Variants in CDK15 observed in about 807,000 individuals in gnomAD.
The protein encoded by CDK15 is cyclin dependent kinase 15, also known as cyclin-dependent kinase 15.
CDK15 carries 62 observed loss-of-function variants against 60.3 expected under a neutral mutation model. The observed-to-expected ratio is 1.03, with a 90% CI of 0.84 to 1.27. CDK15 has a LOEUF of 1.27. Among genes scored for constraint, CDK15 ranks in the 50% most tolerant of loss-of-function variants. The pLI, the probability that CDK15 is intolerant of heterozygous loss-of-function variation, is 0.00. For missense variants in CDK15, 541 were observed against 527.8 expected, an observed-to-expected ratio of 1.03 and a Z score of -0.25; for synonymous variants, 194 against 195.7, an observed-to-expected ratio of 0.99 and a Z score of 0.07.
intron 12 of CDK15, chr2:201,888,959 T>A: frequency 8.1e-6 from 8 of 986,590 alleles, no homozygotes; most frequent in Non-Finnish European, 9.6e-6. Context: ...GAAAGTAGAA[T>A]ACAAAATTGC....
intron 10 of CDK15, among the ~76,000 whole-genome samples, chr2:201,868,110 A>G (rs1698702917): frequency 1.3e-5 from 2 of 152,208 alleles, no homozygotes; most frequent in South Asian, 4.1e-4. Context: ...GCTTGGAGCA[A>G]GTTAGAATTT....
chr2:201,877,107 T>C (rs925542393), intron 11 of CDK15, among the ~76,000 whole-genome samples: 3 of 152,208 alleles, frequency 2.0e-5, no homozygotes, highest in African/African-American at 7.2e-5. Flanking sequence ...AAATAACCTG[T>C]TCTTATAAGA....
chr2:201,824,241 AT>A (rs1319670085), intron 6 of CDK15, among the ~76,000 whole-genome samples: 1 of 152,206 alleles, frequency 6.6e-6, no homozygotes, highest in African/African-American at 2.4e-5. Flanking sequence ...TTTAGAAACC[AT>A]TTATATTTCA....
In CDK15 at chr2:201,856,025, A is replaced by C. The variant is rs1698132718; in HGVS notation, c.1009+1088A>C. 3.9e-5 allele frequency among the ~76,000 whole-genome samples: 6 copies of C among 151,914 alleles called. No homozygotes were observed. In the South Asian group the frequency reaches 1.2e-3, roughly 32 times the overall value. On this transcript the variant is annotated intron_variant, in intron 10 of 13. Coordinates refer to ENST00000652192, the MANE Select transcript of CDK15 (RefSeq NM_001366386.2). Reference sequence around the variant, plus strand: ...GTATTTTTAGTAGAGATGAGGTTTCACCATGTTGGCCAGGCTGGTCTCGAA... The same window carrying C: ...GTATTTTTAGTAGAGATGAGGTTTCCCCATGTTGGCCAGGCTGGTCTCGAA...
At chr2:201,886,761 G>C in intron 12 of CDK15, among the ~76,000 whole-genome samples, 1 of 152,168 alleles carries the variant, frequency 6.6e-6, no homozygotes, top group East Asian at 1.9e-4. Flanking sequence ...GAAACAAAAA[G>C]AGCACAGCAA....
At chr2:201,809,429 C>G (rs1363067096) in intron 3 of CDK15, among the ~76,000 whole-genome samples, 2 of 152,108 alleles carry the variant, frequency 1.3e-5, no homozygotes, top group East Asian at 3.8e-4. Flanking sequence ...ATTAGATTTT[C>G]TTTTCTCTGA....
Position 201,826,413 on chromosome 2 carries a change from C to G in CDK15, c.606+2686C>G, listed in dbSNP as rs564250007. The stretch of plus-strand genomic sequence containing the variant: ...AGGTAGAGTTTGCGTGAGCCGAGAT[C>G]GCGCCACTGCACTCCAGCCTGGGCG... On this transcript the variant is annotated intron_variant, in intron 6 of 13. Coordinates refer to ENST00000652192, the MANE Select transcript of CDK15 (RefSeq NM_001366386.2). Among the ~76,000 whole-genome samples the G allele has an allele frequency of 2.9e-5, 4 of 140,126 alleles. No homozygotes were observed. The South Asian group carries it at 9.3e-4, about 32-fold the overall frequency. 91.9% of individuals were successfully genotyped at this position (140,126 alleles called of 152,430 possible).
At chr2:201,872,081 A>T (rs917339009) in intron 10 of CDK15, among the ~76,000 whole-genome samples, 197 bp from the exon 11 acceptor site, 4 of 152,164 alleles carry the variant, frequency 2.6e-5, no homozygotes, top group African/African-American at 9.7e-5. Context: ...CACATAATTC[A>T]ACCCATAATA....
chr2:201,867,726 C>T (rs945258725), intron 10 of CDK15, among the ~76,000 whole-genome samples: 1 of 151,528 alleles, frequency 6.6e-6, no homozygotes, highest in African/African-American at 2.4e-5. Flanking sequence ...CTTCCTTTCT[C>T]GTAAAGGTTT....
At chr2:201,808,440 A>T (rs1248289431) in intron 3 of CDK15, among the ~76,000 whole-genome samples, 1 of 152,246 alleles carries the variant, frequency 6.6e-6, no homozygotes, top group Non-Finnish European at 1.5e-5. Context: ...AAAGATGATA[A>T]ATCCTAGATT....
At chr2:201,860,975 C>T in intron 10 of CDK15, 1 of 1,220,258 alleles carries the variant, frequency 8.2e-7, no homozygotes, top group Non-Finnish European at 1.1e-6. Context: ...TCTGTGTTTG[C>T]TGTGAGCACA....
intron 4 of CDK15, among the ~76,000 whole-genome samples, chr2:201,821,778 C>A (rs557350507): frequency 6.6e-6 from 1 of 152,130 alleles, no homozygotes; most frequent in East Asian, 1.9e-4. Flanking sequence ...TCAAGTGATT[C>A]TCTTGCCTCA....
At chr2:201,806,444 T>G, upstream of CDK15, 1 of 372,990 alleles carries the variant, frequency 2.7e-6, no homozygotes. Flanking sequence ...TCGTTTTCAG[T>G]TGTGCACATC....
chr2:201,822,510 C>T (rs1696276049), intron 4 of CDK15, among the ~76,000 whole-genome samples: 3 of 152,154 alleles, frequency 2.0e-5, no homozygotes. Context: ...GATGAGATTC[C>T]CAGAGGGGAG....
rs918447022 is a variant in CDK15, at chr2:201,812,857, A to G, written c.448+295A>G. Among the ~76,000 whole-genome samples, 8 of 152,206 alleles carry G rather than the reference A, an allele frequency of 5.3e-5. No homozygotes were observed. In the East Asian group the frequency reaches 1.5e-3, roughly 29 times the overall value. On this transcript the variant is annotated intron_variant, in intron 4 of 13. Transcript: ENST00000652192. Reference sequence around the variant, plus strand: ...TGCTAGGTGCTAAGGCTATACCTATATAACCTCAGAAAATTCCTATAAAAG... The same window carrying G: ...TGCTAGGTGCTAAGGCTATACCTATGTAACCTCAGAAAATTCCTATAAAAG...
chr2:201,814,534 T>C (rs908689526), intron 4 of CDK15, among the ~76,000 whole-genome samples: 2 of 152,154 alleles, frequency 1.3e-5, no homozygotes, highest in Non-Finnish European at 2.9e-5. Context: ...TTCGAAAACT[T>C]TGGCACTGTC....
At chr2:201,850,114 C>T (rs897932445) in intron 9 of CDK15, among the ~76,000 whole-genome samples, 2 of 152,178 alleles carry the variant, frequency 1.3e-5, no homozygotes, top group Non-Finnish European at 2.9e-5. Flanking sequence ...TGAGCCACCG[C>T]GCCCAGCCTC....
chr2:201,813,638 C>T, intron 4 of CDK15, among the ~76,000 whole-genome samples: 1 of 152,196 alleles, frequency 6.6e-6, no homozygotes, highest in Non-Finnish European at 1.5e-5. Flanking sequence ...GTATAAAAGA[C>T]ATAAACTAAG....
intron 3 of CDK15, among the ~76,000 whole-genome samples, chr2:201,812,181 AAAAAAAAAAAC>A (rs1390786475): frequency 5.5e-5 from 8 of 145,688 alleles, no homozygotes; most frequent in African/African-American, 1.8e-4. Context: ...CTCAAAAAAA[AAAAAAAAAAAC>A]AAAAAAACAA....
Sources: allele counts gnomAD v4.1 joint callset (sites outside exome capture counted in the v4.1 genomes callset), GRCh38; gene constraint gnomAD v4.1.1; transcripts MANE v1.5; gene names NCBI Gene and HGNC (gene_info 2026-07-23, HGNC 2026-07-21).